VRK2: variants seen among roughly 807,000 people sequenced by gnomAD.
VRK2 encodes VRK serine/threonine kinase 2, also known as serine/threonine-protein kinase VRK2.
Under a neutral mutation model 57.6 loss-of-function variants are expected in VRK2, and 60 were observed. The observed-to-expected ratio is 1.04, with a 90% confidence interval of 0.85 to 1.29. VRK2 has a LOEUF of 1.29. VRK2 is among the 50% of genes most tolerant of loss of function. VRK2 has a pLI of 0.00. For synonymous variants in VRK2, 231 were observed against 199.2 expected, an observed-to-expected ratio of 1.16 and a Z score of -1.35; for missense variants, 705 against 588.1, an observed-to-expected ratio of 1.20 and a Z score of -2.06.
At chr2:58,056,296 G>A (rs764410201) in intron 2 of VRK2, among the ~76,000 whole-genome samples, 1 of 152,108 alleles carries the variant, frequency 6.6e-6, no homozygotes, top group South Asian at 2.1e-4. Context: ...ATACTTCAAC[G>A]TATTCAAAAC....
intron 1 of VRK2, among the ~76,000 whole-genome samples, chr2:57,935,634 G>C (rs1670880644): frequency 6.6e-6 from 1 of 152,040 alleles, no homozygotes; most frequent in Admixed American, 6.6e-5. Flanking sequence ...GTGGTTAGTA[G>C]GGTCTGTGAC....
At chr2:57,980,812 T>C (rs1672400098) in intron 1 of VRK2, among the ~76,000 whole-genome samples, 1 of 152,166 alleles carries the variant, frequency 6.6e-6, no homozygotes, top group South Asian at 2.1e-4. Context: ...TTGATCATTG[T>C]TGGTTTCAAG....
intron 9 of VRK2, among the ~76,000 whole-genome samples, chr2:58,133,311 G>T (rs931083571): frequency 6.6e-6 from 1 of 151,588 alleles, no homozygotes; most frequent in African/African-American, 2.4e-5. Flanking sequence ...TACATTTTGG[G>T]GACTCTTACA....
chr2:58,126,997 T>A (rs1678452731), intron 8 of VRK2, among the ~76,000 whole-genome samples: 1 of 152,140 alleles, frequency 6.6e-6, no homozygotes, highest in South Asian at 2.1e-4. Flanking sequence ...TGAGCTTTTT[T>A]AAATACTTCA....
At chr2:57,934,709 A>G (rs1670848309) in intron 1 of VRK2, among the ~76,000 whole-genome samples, 1 of 152,060 alleles carries the variant, frequency 6.6e-6, no homozygotes, top group Non-Finnish European at 1.5e-5. Flanking sequence ...TTCAAACCCT[A>G]GTTCCTTTGA....
chr2:58,033,385 G>A (rs944814763), exon 3 of VRK2: 2 of 151,980 alleles, frequency 1.3e-5, no homozygotes, highest in African/African-American at 4.8e-5. Flanking sequence ...AGAAAAACCG[G>A]AAGAAGTTAT....
intron 12 of VRK2, chr2:58,154,674 A>C: frequency 1.4e-6 from 1 of 710,780 alleles, no homozygotes; most frequent in Non-Finnish European, 2.6e-6. Context: ...GGGGTCTTTA[A>C]ATTTTAAAGC....
intron 7 of VRK2, among the ~76,000 whole-genome samples, chr2:58,120,212 A>T: frequency 1.7e-5 from 1 of 60,006 alleles, no homozygotes; most frequent in Non-Finnish European, 2.7e-5. Flanking sequence ...TTTTTTTGAG[A>T]CAGAGTCTTG....
intron 11 of VRK2, among the ~76,000 whole-genome samples, chr2:58,145,422 C>G (rs1681961123): frequency 2.0e-5 from 3 of 151,926 alleles, no homozygotes; most frequent in Non-Finnish European, 4.4e-5. Flanking sequence ...TAATTAGGCT[C>G]ACTTCAATGA....
In VRK2 at chr2:58,003,445, A is replaced by G. The variant is rs574813112; in HGVS notation, c.-438-22220A>G. Among the ~76,000 whole-genome samples, 66 of 152,220 alleles carry G rather than the reference A, an allele frequency of 4.3e-4. 1 individual carries two copies. The South Asian group carries it at 0.013, about 30-fold the overall frequency. On this transcript the variant is annotated intron_variant, in intron 1 of 15. Transcript: ENST00000417641. ...TTTTAAAATTCATGAATATGTATCA[A>G]TATTATCTCTATTATTTACATTATC...
chr2:58,120,857 C>A (rs1489676231), intron 7 of VRK2, among the ~76,000 whole-genome samples: 1 of 152,180 alleles, frequency 6.6e-6, no homozygotes, highest in East Asian at 1.9e-4. Flanking sequence ...CATTGACCAG[C>A]CTTGCTGTAA....
intron 1 of VRK2, among the ~76,000 whole-genome samples, chr2:57,947,323 A>G (rs1042063373): frequency 6.6e-6 from 1 of 152,176 alleles, no homozygotes; most frequent in African/African-American, 2.4e-5. Context: ...TAGTATTAGT[A>G]TGTAATATGT....
chr2:58,066,519 TTTTA>T lies in VRK2; in HGVS notation c.137-17554_137-17551del, dbSNP rs1243427214. The stretch of plus-strand genomic sequence containing the variant: ...GTTAAGGAGGACTATTAGTGTATAC[TTTTA>T]TTTATTTATTTATTTCCCCTACCAT... On this transcript the variant is annotated intron_variant, in intron 2 of 12. Coordinates refer to ENST00000340157, the MANE Select transcript of VRK2 (RefSeq NM_006296.7). 2.0e-5 allele frequency among the ~76,000 whole-genome samples: 3 copies of T among 152,142 alleles called. No homozygotes were observed. The East Asian group carries it at 5.8e-4, about 29-fold the overall frequency.
At chr2:58,136,363 C>A (rs528723816) in intron 10 of VRK2, among the ~76,000 whole-genome samples, 19 of 151,362 alleles carry the variant, frequency 1.3e-4, no homozygotes, top group African/African-American at 4.6e-4. Flanking sequence ...GGCAGTACTC[C>A]TTTATGGCTA....
chr2:57,993,978 G>A (rs1197647743), intron 1 of VRK2, among the ~76,000 whole-genome samples: 1 of 152,162 alleles, frequency 6.6e-6, no homozygotes, highest in Non-Finnish European at 1.5e-5. Context: ...CGAAAATAAA[G>A]CATTAACATA....
Position 57,913,683 on chromosome 2 carries a change from T to C in VRK2, c.-439+5844T>C, listed in dbSNP as rs191861615. 3.3e-3 allele frequency among the ~76,000 whole-genome samples: 506 copies of C among 152,292 alleles called. 7 individuals carry two copies. Among genetic ancestry groups the C allele is most frequent in the African/African-American group, 0.011 (477 of 41,564 alleles). ...GATCTTCATTGTTTTGTTCAATATA[T>C]GTTTATAATAATATTAGGATATTTT... is the stretch of plus-strand genomic sequence containing the variant. On this transcript the variant is annotated intron_variant, in intron 1 of 15. Coordinates refer to the VRK2 transcript ENST00000417641.
chr2:57,990,606 T>G (rs999434795), intron 1 of VRK2, among the ~76,000 whole-genome samples: 1 of 152,166 alleles, frequency 6.6e-6, no homozygotes, highest in Admixed American at 6.5e-5. Context: ...CAGTGTCACT[T>G]GTCTAGTGTT....
At chr2:58,086,278 AAGGTG>A in intron 4 of VRK2, 56 bp from the exon 5 acceptor site, 1 of 1,419,896 alleles carries the variant, frequency 7.0e-7, no homozygotes, top group African/African-American at 1.5e-5. Context: ...TGTCTGTAGA[AAGGTG>A]ACAAGTATCT....
chr2:58,025,418 A>C (rs1673894835), intron 1 of VRK2, among the ~76,000 whole-genome samples: 1 of 152,188 alleles, frequency 6.6e-6, no homozygotes, highest in African/African-American at 2.4e-5. Context: ...AAGAATTCAA[A>C]GGCCAATTTT....
Sources: allele counts gnomAD v4.1 joint callset (sites outside exome capture counted in the v4.1 genomes callset), GRCh38; gene constraint gnomAD v4.1.1; transcripts MANE v1.5; gene names NCBI Gene and HGNC (gene_info 2026-07-23, HGNC 2026-07-21).